Variants in THNSL2 observed in about 807,000 individuals in gnomAD.
THNSL2 encodes the protein threonine synthase like 2, also known as threonine synthase-like 2.
Under a neutral mutation model 40.0 loss-of-function variants are expected in THNSL2, and 34 were observed. That is an observed-to-expected ratio of 0.85 (90% CI 0.65 to 1.13). THNSL2 has a LOEUF of 1.13. Ranked by LOEUF, THNSL2 falls within the 50% of genes most tolerant of loss-of-function variation. THNSL2 has a pLI of 0.00. For missense variants in THNSL2, 537 were observed against 608.8 expected (o/e 0.88, Z 1.24); for synonymous variants, 241 against 247.5 (o/e 0.97, Z 0.25).
rs1237237153 is a variant in THNSL2, at chr2:88,170,432, GCC to G, written c.-34_-33del. On this transcript the variant is annotated 5_prime_UTR_variant, in exon 1 of 9. Coordinates refer to ENST00000674334, the MANE Select transcript of THNSL2 (RefSeq NM_018271.5). ...CCGGGCCTCGCGCCCCGCGCCCCGC[GCC>G]CCGCGCCCCGCGCCCCGCACCGGTA... 6.6e-6 allele frequency: 1 copy of G among 151,714 alleles called. No individual in the cohort carries two copies. The highest frequency in any genetic ancestry group is 1.9e-4 in the East Asian group (1 of 5,132). 9.4% of individuals were successfully genotyped at this position (151,714 alleles called of 1,614,324 possible).
chr2:88,174,663 G>T lies in THNSL2; in HGVS notation c.248G>T (p.Arg83Ile). The change falls in exon 3 of 9, where the codon AGA becomes ATA. Residue 83 changes from arginine to isoleucine, a missense_variant. Coordinates refer to ENST00000674334, the MANE Select transcript of THNSL2 (RefSeq NM_018271.5). Reference protein sequence around the residue: ...LNDLIDRAFSRFRHREVVHLS... With the variant: ...LNDLIDRAFSIFRHREVVHLS... ...GATCTGATCGACCGAGCCTTCAGCA[G>T]ATTCCGTCACAGAGAAGTGGTCCAT... 2.5e-6 allele frequency: 4 copies of T among 1,614,178 alleles called. No individual in the cohort carries two copies. The highest frequency in any genetic ancestry group is 3.4e-6 in the Non-Finnish European group (4 of 1,180,020).
chr2:88,170,634 G>C (rs990779301), intron 1 of THNSL2, among the ~76,000 whole-genome samples, 178 bp downstream of exon 1: 1 of 152,180 alleles, frequency 6.6e-6, no homozygotes, highest in Non-Finnish European at 1.5e-5. Flanking sequence ...AGGGTGGTGC[G>C]GGGGGTTTCT....
At chr2:88,182,915 T>G (rs749010730) in intron 6 of THNSL2, 33 bp from the exon 7 acceptor site, 1 of 1,613,182 alleles carries the variant, frequency 6.2e-7, no homozygotes, top group East Asian at 2.2e-5. Flanking sequence ...GGGGCTGAGA[T>G]CAGTCTGGAC....
At chr2:88,180,807 C>T (rs1677461098) in intron 5 of THNSL2, among the ~76,000 whole-genome samples, 1 of 152,168 alleles carries the variant, frequency 6.6e-6, no homozygotes, top group African/African-American at 2.4e-5. Context: ...GCTCTGGCCT[C>T]CCCTGGTGCC....
chr2:88,170,442 C>A lies in THNSL2; in HGVS notation c.-27C>A. 1 of 125,932 alleles carries A rather than the reference C, an allele frequency of 7.9e-6. No individual in the cohort carries two copies. The highest frequency in any genetic ancestry group is 2.0e-4 in the South Asian group (1 of 4,950). 7.8% of individuals were successfully genotyped at this position (125,932 alleles called of 1,614,324 possible). On this transcript the variant is annotated 5_prime_UTR_variant, in exon 1 of 9. Coordinates refer to ENST00000674334, the MANE Select transcript of THNSL2 (RefSeq NM_018271.5). ...CGCCCCGCGCCCCGCGCCCCGCGCC[C>A]CGCGCCCCGCACCGGTAACGCGCGC... is the stretch of plus-strand genomic sequence containing the variant.
At chr2:88,179,429 C>T (rs749143856) in intron 5 of THNSL2, among the ~76,000 whole-genome samples, 1 of 152,230 alleles carries the variant, frequency 6.6e-6, no homozygotes, top group African/African-American at 2.4e-5. Flanking sequence ...TTCCTGGACA[C>T]ACCACCCTGA....
In THNSL2 at chr2:88,186,445, T is replaced by C; in HGVS notation, c.*322T>C. On this transcript the variant is annotated 3_prime_UTR_variant, in exon 9 of 9. Transcript: ENST00000674334. ...AGGACTGACCATGGCTCCAGGGGTT[T>C]AGGACCCCAGACCTGTGAAGGTGGG... is the stretch of plus-strand genomic sequence containing the variant. The C allele has an allele frequency of 3.5e-6, 1 of 288,748 alleles. No homozygotes were observed. 17.9% of individuals were successfully genotyped at this position (288,748 alleles called of 1,614,324 possible).
At chr2:88,180,545 C>CT (rs1677421954) in intron 5 of THNSL2, among the ~76,000 whole-genome samples, 2 of 150,674 alleles carry the variant, frequency 1.3e-5, no homozygotes. Flanking sequence ...GCACTCCAGC[C>CT]TGGGTAACAG....
rs1476997049 is a variant in THNSL2 at position 88,174,780 on chromosome 2, A to G, written c.365A>G (p.Gln122Arg). ...GACCTGTCCCTGTCCTGCACAACAC[A>G]GTTCCTGCAGTACTTCCTGGAGAAG... ...FKDLSLSCTT[Q>R]FLQYFLEKRE... The change falls in exon 3 of 9, where the codon CAG (glutamine) becomes CGG (arginine). Residue 122 changes from glutamine to arginine, a missense_variant. Gln to Arg is a conservative substitution (Grantham distance 43). Coordinates refer to ENST00000674334, the MANE Select transcript of THNSL2 (RefSeq NM_018271.5). 5 of 1,614,172 alleles carry G rather than the reference A, an allele frequency of 3.1e-6. No homozygotes were observed. The highest frequency in any genetic ancestry group is 3.3e-4 in the Middle Eastern group (2 of 6,060).
At position 88,170,449 on chromosome 2, in the gene THNSL2, C is replaced by T. The variant is rs1172960306; in HGVS notation, c.-20C>T. The T allele has an allele frequency of 6.6e-6, 1 of 151,796 alleles. No homozygotes were observed. Among genetic ancestry groups the T allele is most frequent in the Admixed American group, 6.6e-5 (1 of 15,158 alleles). 9.4% of individuals were successfully genotyped at this position (151,796 alleles called of 1,614,324 possible). On this transcript the variant is annotated 5_prime_UTR_variant, in exon 1 of 9. Coordinates refer to ENST00000674334, the MANE Select transcript of THNSL2 (RefSeq NM_018271.5). ...CGCCCCGCGCCCCGCGCCCCGCGCC[C>T]CGCACCGGTAACGCGCGCCAACCTC...
chr2:88,170,678 C>T (rs1230129638), intron 1 of THNSL2, among the ~76,000 whole-genome samples: 1 of 152,084 alleles, frequency 6.6e-6, no homozygotes, highest in African/African-American at 2.4e-5. Context: ...TTTGAGCAGT[C>T]CTTTGAGAAC....
At chr2:88,180,524 A>G (rs1573194527) in intron 5 of THNSL2, among the ~76,000 whole-genome samples, 1 of 151,684 alleles carries the variant, frequency 6.6e-6, no homozygotes, top group East Asian at 1.9e-4. Flanking sequence ...GTGAGCTGAG[A>G]TTGTGCCATT....
At chr2:88,185,872 G>A (rs1359848842) in intron 8 of THNSL2, 26 bp from the exon 9 acceptor site, 2 of 1,572,192 alleles carry the variant, frequency 1.3e-6, no homozygotes, top group East Asian at 2.3e-5. Context: ...TTGTCCTCCG[G>A]GTGCCACCTG....
chr2:88,173,071 C>A, intron 1 of THNSL2, 68 bp from the exon 2 acceptor site: 2 of 1,135,926 alleles, frequency 1.8e-6, no homozygotes, highest in Non-Finnish European at 2.5e-6. Context: ...ACTGTGTGTG[C>A]TTTGGCTTTG....
intron 4 of THNSL2, chr2:88,176,569 A>G (rs1676962155): frequency 6.6e-6 from 1 of 152,210 alleles, no homozygotes; most frequent in Non-Finnish European, 1.5e-5. Flanking sequence ...TTCCTTCTAC[A>G]ACTGGCCTGG....
At chr2:88,172,107 T>C (rs1246395650) in intron 1 of THNSL2, 3 of 152,312 alleles carry the variant, frequency 2.0e-5, no homozygotes, top group Non-Finnish European at 4.4e-5. Flanking sequence ...TCCAAGCTAA[T>C]ACTGAGAGCT....
intron 1 of THNSL2, chr2:88,171,135 A>G: frequency 2.6e-6 from 1 of 386,532 alleles, no homozygotes; most frequent in Non-Finnish European, 5.3e-6. Context: ...CAACAACAGC[A>G]CTTGATTTTC....
intron 5 of THNSL2, among the ~76,000 whole-genome samples, chr2:88,181,573 C>CTG (rs138449577): frequency 0.019 from 2,245 of 119,740 alleles, 24 homozygotes; most frequent in Non-Finnish European, 0.02. Flanking sequence ...CTCTCTCTTG[C>CTG]TGTGTGTGTG....
intron 1 of THNSL2, 163 bp from the exon 2 acceptor site, chr2:88,172,976 C>G: frequency 2.3e-6 from 1 of 429,914 alleles, no homozygotes; most frequent in Non-Finnish European, 4.1e-6. Flanking sequence ...GTAGATGAAG[C>G]TGGCATGAGA....
Sources: gnomAD v4.1 joint callset for allele counts (sites outside exome capture counted in the v4.1 genomes callset) on GRCh38, gnomAD v4.1.1 for gene constraint, MANE v1.5 for transcripts, NCBI Gene and HGNC (gene_info 2026-07-23, HGNC 2026-07-21) for gene names.